ABCA6: variants seen among roughly 807,000 people sequenced by gnomAD.
ABCA6 encodes the protein ATP-binding cassette sub-family A member 6.
ABCA6 carries 164 observed loss-of-function variants against 191.2 expected under a neutral mutation model. The observed-to-expected ratio is 0.86, with a 90% CI of 0.76 to 0.98. The LOEUF (loss-of-function observed/expected upper bound fraction) is 0.98. Among genes scored for constraint, ABCA6 ranks in the 50% least tolerant of loss-of-function variants. The pLI, the probability that ABCA6 is intolerant of heterozygous loss-of-function variation, is 0.00. For synonymous variants in ABCA6, 636 were observed against 647.7 expected (o/e 0.98, Z 0.27); for missense variants, 1,958 against 1,894.1 (o/e 1.03, Z -0.63).
chr17:69,122,818 G>A (rs1033379901), intron 10 of ABCA6, among the ~76,000 whole-genome samples: 3 of 151,950 alleles, frequency 2.0e-5, no homozygotes, highest in Non-Finnish European at 2.9e-5. Flanking sequence ...GAAGAAATTG[G>A]TGGTGATGGA....
chr17:69,084,542 A>G, intron 32 of ABCA6, 35 bp from the exon 33 acceptor site: 1 of 1,607,978 alleles, frequency 6.2e-7, no homozygotes, highest in East Asian at 2.2e-5. Context: ...TCTGGTCAAG[A>G]CAAGGTTTTT....
At chr17:69,106,364 G>A (rs934628518) in intron 18 of ABCA6, among the ~76,000 whole-genome samples, 153 bp from the exon 19 acceptor site, 4 of 152,046 alleles carry the variant, frequency 2.6e-5, no homozygotes, top group Non-Finnish European at 5.9e-5. Flanking sequence ...AGACCAAGGT[G>A]GGTGGATCAC....
rs1216336229 is a variant in ABCA6 at position 69,128,886 on chromosome 17, T to C, written c.934-82A>G. ...CATTGGCAGCCCAATCAAATAAGGATTTTTATATCATAACATAAATATTTA... is the reference window on the plus strand; with the variant it reads ...CATTGGCAGCCCAATCAAATAAGGACTTTTATATCATAACATAAATATTTA... On this transcript the variant is annotated intron_variant, in intron 7 of 38. Coordinates refer to ENST00000284425, the MANE Select transcript of ABCA6 (RefSeq NM_080284.3). 8 of 1,063,844 alleles carry C rather than the reference T, an allele frequency of 7.5e-6. No individual in the cohort carries two copies. In the African/African-American group the frequency reaches 9.6e-5, roughly 13 times the overall value. 65.9% of individuals were successfully genotyped at this position (1,063,844 alleles called of 1,614,324 possible). A position where few individuals can be genotyped will look rare whatever the true frequency, so the allele number is the denominator to read the frequency against.
At chr17:69,105,900 T>C in intron 19 of ABCA6, 128 bp downstream of exon 19, 3 of 1,056,900 alleles carry the variant, frequency 2.8e-6, no homozygotes, top group Non-Finnish European at 4.0e-6. Flanking sequence ...GTCAGAAAAA[T>C]TAAATGCTGA....
At chr17:69,085,795 TGA>T in intron 30 of ABCA6, 79 bp from the exon 31 acceptor site, 1 of 966,580 alleles carries the variant, frequency 1.0e-6, no homozygotes, top group Non-Finnish European at 1.6e-6. Context: ...TGAAATCTTC[TGA>T]GATTTCTGCA....
chr17:69,093,828 A>G (rs1224734593), intron 25 of ABCA6, among the ~76,000 whole-genome samples: 5 of 152,260 alleles, frequency 3.3e-5, no homozygotes, highest in Non-Finnish European at 7.3e-5. Context: ...AAATAAATAA[A>G]TATACTGAAA....
intron 31 of ABCA6, 90 bp from the exon 32 acceptor site, chr17:69,085,272 T>C (rs2072753952): frequency 9.4e-6 from 12 of 1,274,100 alleles, no homozygotes; most frequent in Non-Finnish European, 1.2e-5. Flanking sequence ...AGCGTCTAAA[T>C]TGTTTAAGCA....
rs1188657812 is a variant in ABCA6 at position 69,091,657 on chromosome 17, G to A, written c.3409-395C>T. On this transcript the variant is annotated intron_variant, in intron 25 of 38. Transcript: ENST00000284425. ...CCTGCCTCAGCCTCCCGAGTAGCTG[G>A]GACTACAGGCGCCCGCCACTACGCC... Among the ~76,000 whole-genome samples, 3 of 71,104 alleles carry A rather than the reference G, an allele frequency of 4.2e-5. No individual in the cohort carries two copies. In the East Asian group the frequency reaches 6.9e-4, roughly 16 times the overall value. The allele number at this position is 71,104 out of a possible 152,430, so 46.6% of individuals were successfully genotyped here. A position where few individuals can be genotyped will look rare whatever the true frequency, so the allele number is the denominator to read the frequency against.
chr17:69,113,229 GA>G lies in ABCA6; in HGVS notation c.2033del (p.Ile678ThrfsTer7). On this transcript the variant is annotated frameshift_variant, in exon 15 of 39. Coordinates refer to ENST00000284425, the MANE Select transcript of ABCA6 (RefSeq NM_080284.3). LOFTEE classifies it high-confidence loss of function. The stretch of plus-strand genomic sequence containing the variant: ...GATAAAACCAACAATTACCAGCCAG[GA>G]TGTCAGCCTCATCCATGGACTGGGT... ...FSTQSMDEADILADRKVIMSN... is the reference protein window; with the variant it reads ...FSTQSMDEADXLADRKVIMSN... The G allele has an allele frequency of 6.2e-7, 1 of 1,601,890 alleles. No homozygotes were observed. The highest frequency in any genetic ancestry group is 8.5e-7 in the Non-Finnish European group (1 of 1,176,140).
At chr17:69,089,724 C>T (rs1424398460) in intron 26 of ABCA6, among the ~76,000 whole-genome samples, 182 bp from the exon 27 acceptor site, 3 of 152,172 alleles carry the variant, frequency 2.0e-5, no homozygotes, top group Non-Finnish European at 4.4e-5. Context: ...CTCTTACTGT[C>T]TCTCAATAAG....
At position 69,105,555 on chromosome 17, in the gene ABCA6, T is replaced by A. The variant is rs2073280310; in HGVS notation, c.2647A>T (p.Ile883Phe). The change falls in exon 20 of 39, where the codon ATC becomes TTC. Residue 883 changes from isoleucine to phenylalanine, a missense_variant. Transcript: ENST00000284425. ...NIMYAMLNEK[I>F]DWEFKNELYF... is the part of the protein sequence containing the mutation. ...AATTCGTTTTTAAATTCCCAATCGA[T>A]CTTTTCATTTAACATAGCATACATT... The A allele has an allele frequency of 6.3e-7, 1 of 1,591,584 alleles. No homozygotes were observed. Among genetic ancestry groups the A allele is most frequent in the Admixed American group, 1.7e-5 (1 of 59,866 alleles).
intron 5 of ABCA6, 27 bp downstream of exon 5, chr17:69,134,612 A>T: frequency 6.6e-7 from 1 of 1,522,128 alleles, no homozygotes; most frequent in Non-Finnish European, 9.1e-7. Context: ...GACATTAATT[A>T]GTAGAACTTT....
At chr17:69,095,199 T>C (rs1371682533) in intron 25 of ABCA6, 1 of 194,014 alleles carries the variant, frequency 5.2e-6, no homozygotes, top group African/African-American at 2.3e-5. Context: ...GTAAGTCTGT[T>C]GACTGAACAA....
Position 69,089,493 on chromosome 17 carries a change from C to G in ABCA6, c.3578G>C (p.Ser1193Thr), listed in dbSNP as rs757141458. The G allele has an allele frequency of 1.9e-6, 3 of 1,613,754 alleles. No individual in the cohort carries two copies. The highest frequency in any genetic ancestry group is 1.7e-5 in the Admixed American group (1 of 60,006). ...GAAGCAGACTAGAAAATCAGTGGCACTCAATTCAAAATTTGCCTCTGGAAA... is the reference window on the plus strand; with the variant it reads ...GAAGCAGACTAGAAAATCAGTGGCAGTCAATTCAAAATTTGCCTCTGGAAA... ...REFPEANFEL[S>T]ATDFLVCFIP... The change falls in exon 27 of 39, where the codon AGT becomes ACT. Residue 1193 changes from serine (S) to threonine (T), a missense_variant. Physicochemically the swap from Ser to Thr is moderately conservative, Grantham distance 58 (BLOSUM62 1). Coordinates refer to ENST00000284425, the MANE Select transcript of ABCA6 (RefSeq NM_080284.3).
At chr17:69,111,428 T>G (rs1409528170) in intron 16 of ABCA6, 2 of 152,842 alleles carry the variant, frequency 1.3e-5, no homozygotes, top group East Asian at 1.9e-4. Flanking sequence ...GTAGTTCCCA[T>G]AATTCCCACA....
At chr17:69,095,445 C>T (rs901191521) in intron 25 of ABCA6, 2 of 152,228 alleles carry the variant, frequency 1.3e-5, no homozygotes, top group African/African-American at 4.8e-5. Context: ...TGAGAAGGAA[C>T]AACAGCTACC....
chr17:69,105,388 C>T, intron 20 of ABCA6, 74 bp downstream of exon 20: 2 of 1,374,876 alleles, frequency 1.5e-6, no homozygotes, highest in East Asian at 2.5e-5. Flanking sequence ...GATTCACTTC[C>T]CCCCCCCACC....
chr17:69,086,204 A>G (rs2072783929), intron 30 of ABCA6, among the ~76,000 whole-genome samples: 1 of 152,184 alleles, frequency 6.6e-6, no homozygotes, highest in Admixed American at 6.5e-5. Context: ...TATAAATTAA[A>G]TATGACACAA....
chr17:69,139,648 G>A (rs546519995), intron 2 of ABCA6, among the ~76,000 whole-genome samples: 10 of 152,222 alleles, frequency 6.6e-5, no homozygotes, highest in Admixed American at 2.0e-4. Context: ...ACATGCACAT[G>A]TATGTTTACT....
Sources: allele counts gnomAD v4.1 joint callset (sites outside exome capture counted in the v4.1 genomes callset), GRCh38; gene constraint gnomAD v4.1.1; transcripts MANE v1.5; gene names NCBI Gene and HGNC (gene_info 2026-07-23, HGNC 2026-07-21).